Variants in COL11A1 observed in about 807,000 individuals in gnomAD.
The protein encoded by COL11A1 is collagen alpha-1(XI) chain.
A neutral mutation model predicts 265.2 loss-of-function variants in COL11A1; 74 were observed. The ratio of observed to expected loss-of-function variants is 0.28; its 90% CI spans 0.23 to 0.34. The LOEUF (loss-of-function observed/expected upper bound fraction) is 0.34. COL11A1 is among the 10% of genes least tolerant of loss of function. The pLI is 1.00. For synonymous variants in COL11A1, 816 were observed against 727.6 expected (o/e 1.12, Z -1.96); for missense variants, 2,165 against 2,263.6 (o/e 0.96, Z 0.88).
chr1:103,047,998 A>G (rs945340232), intron 4 of COL11A1, among the ~76,000 whole-genome samples: 27 of 152,228 alleles, frequency 1.8e-4, no homozygotes, highest in African/African-American at 6.0e-4. Flanking sequence ...TGCTGGATTC[A>G]GTTTGCCAGT....
At chr1:103,033,441 A>G (rs143196256) in intron 4 of COL11A1, among the ~76,000 whole-genome samples, 7 of 152,114 alleles carry the variant, frequency 4.6e-5, no homozygotes, top group African/African-American at 1.7e-4. Flanking sequence ...TTACTTTATT[A>G]CAACCTTTTT....
chr1:103,004,884 C>G (rs907684184), intron 18 of COL11A1, among the ~76,000 whole-genome samples: 1 of 151,808 alleles, frequency 6.6e-6, no homozygotes, highest in South Asian at 2.1e-4. Context: ...AATATTTTCT[C>G]TCAATTTTCA....
rs1369746075 is a variant in COL11A1 at position 103,026,112 on chromosome 1, G to A, written c.897+104C>T. ...CACAGTTATTGGTTCAGAGAAATAA[G>A]ATGAATGAAAGGTTTATGGTAAGTT... On this transcript the variant is annotated intron_variant, in intron 6 of 66. Coordinates refer to ENST00000370096, the MANE Select transcript of COL11A1 (RefSeq NM_001854.4). 2.5e-6 allele frequency: 3 copies of A among 1,191,708 alleles called. No individual in the cohort carries two copies. In the African/African-American group the frequency reaches 4.5e-5, roughly 18 times the overall value. 73.8% of individuals were successfully genotyped at this position (1,191,708 alleles called of 1,614,324 possible). A position where few individuals can be genotyped will look rare whatever the true frequency, so the allele number is the denominator to read the frequency against.
At chr1:102,900,388 T>C (rs1177531948) in intron 54 of COL11A1, among the ~76,000 whole-genome samples, 1 of 152,148 alleles carries the variant, frequency 6.6e-6, no homozygotes, top group African/African-American at 2.4e-5. Flanking sequence ...AGCCAGAAAT[T>C]ATTTTGGTGT....
At chr1:102,944,650 T>C (rs1659067995) in intron 42 of COL11A1, among the ~76,000 whole-genome samples, 1 of 152,192 alleles carries the variant, frequency 6.6e-6, no homozygotes, top group African/African-American at 2.4e-5. Context: ...GGTTTCAATG[T>C]TTTTTGATAT....
intron 1 of COL11A1, among the ~76,000 whole-genome samples, chr1:103,101,982 A>G (rs1289039114): frequency 1.3e-5 from 2 of 152,046 alleles, no homozygotes; most frequent in African/African-American, 4.8e-5. Context: ...TGATCAGCCA[A>G]TGTCTAAAGA....
At chr1:102,936,190 GACAT>G (rs1409159175) in intron 44 of COL11A1, among the ~76,000 whole-genome samples, 1 of 148,850 alleles carries the variant, frequency 6.7e-6, no homozygotes, top group African/African-American at 2.5e-5. Context: ...ACAAACTGAA[GACAT>G]ACATAAAGTA....
intron 39 of COL11A1, 105 bp downstream of exon 39, chr1:102,962,548 C>T (rs892849556): frequency 3.0e-6 from 3 of 1,001,122 alleles, no homozygotes; most frequent in Admixed American, 1.9e-5. Flanking sequence ...TTTCCTGACA[C>T]ATCTTCTGAC....
chr1:103,078,798 T>C lies in COL11A1; in HGVS notation c.348A>G (p.Leu116=), dbSNP rs1672178415. Residue 116 remains leucine (L), a synonymous_variant, in exon 3 of 67, where the codon TTA becomes TTG. Transcript: ENST00000370096. ...GAATACCATGCTCATTATATATAGA[T>C]AAAAGGAAAGACTGAATTCCTTTTT... ...KPKKGIQSFL[L]SIYNEHGIQQ... 1 of 1,612,672 alleles carries C rather than the reference T, an allele frequency of 6.2e-7. No individual in the cohort carries two copies. Among genetic ancestry groups the C allele is most frequent in the Non-Finnish European group, 8.5e-7 (1 of 1,179,010 alleles).
At position 103,074,679 on chromosome 1, in the gene COL11A1, A is replaced by G; in HGVS notation, c.590T>C (p.Ile197Thr). 1 of 1,613,392 alleles carries G rather than the reference A, an allele frequency of 6.2e-7. No homozygotes were observed. Among genetic ancestry groups the G allele is most frequent in the Non-Finnish European group, 8.5e-7 (1 of 1,179,614 alleles). The change falls in exon 4 of 67, where the codon ATT becomes ACT. Residue 197 changes from isoleucine to threonine, a missense_variant. Ile to Thr is a moderately conservative substitution (Grantham distance 89). Coordinates refer to ENST00000370096, the MANE Select transcript of COL11A1 (RefSeq NM_001854.4). Reference sequence around the variant, plus strand: ...AACCGTGATTCCATTGGTATCAACAATTGCTCTCTCACTTCTATCAAGTGG... The same window carrying G: ...AACCGTGATTCCATTGGTATCAACAGTTGCTCTCTCACTTCTATCAAGTGG... The part of the protein sequence containing the change: ...TKPLDRSERA[I>T]VDTNGITVFG...
At chr1:103,092,310 A>G (rs1463306641) in intron 1 of COL11A1, among the ~76,000 whole-genome samples, 1 of 152,168 alleles carries the variant, frequency 6.6e-6, no homozygotes, top group African/African-American at 2.4e-5. Flanking sequence ...CTTCCAGAAG[A>G]ACAAAGTAGG....
At position 102,934,572 on chromosome 1, in the gene COL11A1, A is replaced by T; in HGVS notation, c.3493-16T>A. ...CATCACCTCCCTAGAGAAGAGAAAG[A>T]AACATTATCACAAACTGGAAAAAAT... On this transcript the variant is annotated splice_polypyrimidine_tract_variant and intron_variant, in intron 45 of 66. Transcript: ENST00000370096. 1 of 1,581,098 alleles carries T rather than the reference A, an allele frequency of 6.3e-7. No individual in the cohort carries two copies. Among genetic ancestry groups the T allele is most frequent in the Non-Finnish European group, 8.7e-7 (1 of 1,149,812 alleles).
chr1:102,914,451 T>G, intron 51 of COL11A1, 46 bp from the exon 52 acceptor site: 5 of 1,509,334 alleles, frequency 3.3e-6, no homozygotes, highest in Non-Finnish European at 4.5e-6. Context: ...AAAAATAAAT[T>G]TTTATAAAAT....
At chr1:103,004,860 T>C (rs1330654574) in intron 18 of COL11A1, among the ~76,000 whole-genome samples, 199 bp from the exon 19 acceptor site, 1 of 152,054 alleles carries the variant, frequency 6.6e-6, no homozygotes, top group Non-Finnish European at 1.5e-5. Context: ...ATGCTAATAA[T>C]ATTTTATAAT....
chr1:102,993,070 T>C (rs1043511155), intron 28 of COL11A1, among the ~76,000 whole-genome samples: 1 of 152,132 alleles, frequency 6.6e-6, no homozygotes, highest in Non-Finnish European at 1.5e-5. Flanking sequence ...GTTTCAGCAG[T>C]TAACAACATC....
intron 1 of COL11A1, among the ~76,000 whole-genome samples, chr1:103,098,874 C>T (rs1674004325): frequency 1.3e-5 from 2 of 151,748 alleles, no homozygotes; most frequent in Non-Finnish European, 2.9e-5. Flanking sequence ...GGGTAGAGGT[C>T]ATAGGTTGGC....
intron 4 of COL11A1, among the ~76,000 whole-genome samples, chr1:103,048,575 G>A (rs559911312): frequency 1.5e-4 from 23 of 152,136 alleles, no homozygotes; most frequent in African/African-American, 4.8e-4. Context: ...ATTTTTTGAA[G>A]GGTTTTGTGT....
chr1:102,893,929 T>A (rs1652073657), intron 57 of COL11A1, among the ~76,000 whole-genome samples: 1 of 152,202 alleles, frequency 6.6e-6, no homozygotes, highest in South Asian at 2.1e-4. Flanking sequence ...TCCTATCTTT[T>A]AAGTTTTTAT....
At chr1:102,912,283 C>A in intron 53 of COL11A1, 71 bp from the exon 54 acceptor site, 1 of 1,282,218 alleles carries the variant, frequency 7.8e-7, no homozygotes, top group African/African-American at 1.5e-5. Context: ...TTTTCAAAAT[C>A]TGGATGGAAA....
Sources: gnomAD v4.1 joint callset for allele counts (sites outside exome capture counted in the v4.1 genomes callset) on GRCh38, gnomAD v4.1.1 for gene constraint, MANE v1.5 for transcripts, NCBI Gene and HGNC (gene_info 2026-07-23, HGNC 2026-07-21) for gene names.